The following STK38L variants were observed in gnomAD, a reference collection of about 807,000 sequenced individuals.
STK38L encodes serine/threonine kinase 38 like.
A neutral mutation model predicts 59.7 loss-of-function variants in STK38L; 28 were observed. The ratio of observed to expected loss-of-function variants is 0.47; its 90% CI spans 0.35 to 0.64. The LOEUF is 0.64. Ranked by LOEUF, STK38L falls within the 30% of genes least tolerant of loss-of-function variation. The pLI, the probability that STK38L is intolerant of heterozygous loss-of-function variation, is 0.01. For missense variants in STK38L, 314 were observed against 555.8 expected (o/e 0.56, Z 4.37); for synonymous variants, 162 against 176.8 (o/e 0.92, Z 0.66).
rs535468295 is a variant in STK38L, at chr12:27,260,087, T to A, written c.-12+15755T>A. 5.9e-5 allele frequency among the ~76,000 whole-genome samples: 9 copies of A among 152,310 alleles called. No individual in the cohort carries two copies. In the South Asian group the frequency reaches 1.9e-3, roughly 32 times the overall value. ...AGTCTGTCCATCACTTGTTTGGTTATACAAGTCCCCCACCACCACCACCAC... is the reference window on the plus strand; with the variant it reads ...AGTCTGTCCATCACTTGTTTGGTTAAACAAGTCCCCCACCACCACCACCAC... On this transcript the variant is annotated intron_variant, in intron 1 of 13. Transcript: ENST00000389032.
Position 27,245,871 on chromosome 12 carries a change from C to G in STK38L, c.-12+1539C>G, listed in dbSNP as rs1215552774. ...CTTTGTTTTCTCCTTGTTAAGATGG[C>G]TGATAATGTTTCCCATTTGGTTGTG... On this transcript the variant is annotated intron_variant, in intron 1 of 13. Transcript: ENST00000389032. 7 of 152,106 alleles carry G rather than the reference C, an allele frequency of 4.6e-5. No homozygotes were observed. The East Asian group carries it at 1.2e-3, about 25-fold the overall frequency. The allele number at this position is 152,106 out of a possible 1,614,324, so 9.4% of individuals were successfully genotyped here.
chr12:27,302,026 T>C, intron 2 of STK38L, 111 bp from the exon 3 acceptor site: 1 of 750,174 alleles, frequency 1.3e-6, no homozygotes, highest in Non-Finnish European at 2.0e-6. Context: ...AAGTTTTTTT[T>C]TTTTTAGCCT....
At chr12:27,315,466 C>A in intron 9 of STK38L, 116 bp downstream of exon 9, 1 of 785,884 alleles carries the variant, frequency 1.3e-6, no homozygotes, top group Non-Finnish European at 2.0e-6. Flanking sequence ...ACAATGGTAG[C>A]GCTTGCTCTG....
rs1388318702 is a variant in STK38L, at chr12:27,308,591, G to A, written c.309+130G>A. The A allele has an allele frequency of 2.1e-5, 20 of 968,026 alleles. No individual in the cohort carries two copies. The highest frequency in any genetic ancestry group is 2.0e-4 in the South Asian group (7 of 35,700). 60.0% of individuals were successfully genotyped at this position (968,026 alleles called of 1,614,324 possible). On this transcript the variant is annotated intron_variant, in intron 4 of 13. Transcript: ENST00000389032. The surrounding 1 kb of genome is among the most constrained non-coding windows in gnomAD (Gnocchi z 4.5). ...TGTAATCCCAATACTTTGGGAGGCCGAGGCGGGTGGATCGCCTGAGGTCAG... is the reference window on the plus strand; with the variant it reads ...TGTAATCCCAATACTTTGGGAGGCCAAGGCGGGTGGATCGCCTGAGGTCAG...
At chr12:27,273,499 A>G (rs1943467651) in intron 1 of STK38L, among the ~76,000 whole-genome samples, 1 of 152,072 alleles carries the variant, frequency 6.6e-6, no homozygotes. Flanking sequence ...GTTAGGGCTA[A>G]TGTGAGGATC....
intron 1 of STK38L, among the ~76,000 whole-genome samples, chr12:27,293,980 C>A (rs1018476061): frequency 3.9e-5 from 6 of 152,094 alleles, no homozygotes; most frequent in Non-Finnish European, 8.8e-5. Flanking sequence ...CTTGCTAGAA[C>A]AAATACAAGG....
Position 27,322,394 on chromosome 12 carries a change from G to T in STK38L, c.1334G>T (p.Arg445Met). The T allele has an allele frequency of 6.2e-7, 1 of 1,614,016 alleles. No homozygotes were observed. The change falls in exon 14 of 14, where the codon AGG (arginine) becomes ATG (methionine). Residue 445 changes from arginine (R) to methionine (M), a missense_variant. Arg to Met is a moderately conservative substitution (Grantham distance 91). Coordinates refer to ENST00000389032, the MANE Select transcript of STK38L (RefSeq NM_015000.4). ...DWVFLNYTYK[R>M]FEGLTQRGSI... is the part of the protein sequence containing the mutation. ...GTTTTTCTCAATTATACCTATAAAA[G>T]GTTTGAAGGGTTGACTCAACGTGGC...
intron 1 of STK38L, among the ~76,000 whole-genome samples, chr12:27,255,291 G>A (rs1943068541): frequency 6.6e-6 from 1 of 152,106 alleles, no homozygotes; most frequent in Admixed American, 6.5e-5. Context: ...GAAAAATAGG[G>A]CTAAGAAATT....
rs140467280 is a variant in STK38L at position 27,244,350 on chromosome 12, G to C, written c.-12+18G>C. On this transcript the variant is annotated intron_variant, in intron 1 of 13. Coordinates refer to ENST00000389032, the MANE Select transcript of STK38L (RefSeq NM_015000.4). ...GGAGGCAGGTGAGTTCGCGGATGTA[G>C]CGCTCGGCTGAGGGCCCGAGCTCGC... 1.3e-5 allele frequency: 2 copies of C among 152,474 alleles called. No individual in the cohort carries two copies. The highest frequency in any genetic ancestry group is 1.5e-5 in the Non-Finnish European group (1 of 68,124). 9.4% of individuals were successfully genotyped at this position (152,474 alleles called of 1,614,324 possible).
At chr12:27,264,878 A>C (rs559904297) in intron 1 of STK38L, among the ~76,000 whole-genome samples, 1 of 152,318 alleles carries the variant, frequency 6.6e-6, no homozygotes, top group South Asian at 2.1e-4. Flanking sequence ...ATGTTTAGAA[A>C]ACAGCTAGAC....
intron 1 of STK38L, among the ~76,000 whole-genome samples, chr12:27,248,783 T>C (rs1942911635): frequency 2.0e-5 from 3 of 152,210 alleles, no homozygotes; most frequent in South Asian, 4.1e-4. Context: ...GTAGCAGAAC[T>C]AAAGCCAGGA....
At chr12:27,321,282 C>A (rs1944721935) in intron 12 of STK38L, among the ~76,000 whole-genome samples, 1 of 152,162 alleles carries the variant, frequency 6.6e-6, no homozygotes, top group Admixed American at 6.5e-5. Flanking sequence ...CTGATAGCTT[C>A]TTTTAACCAT....
chr12:27,245,175 G>A (rs1162187492), intron 1 of STK38L, among the ~76,000 whole-genome samples: 1 of 152,180 alleles, frequency 6.6e-6, no homozygotes, highest in Admixed American at 6.5e-5. Context: ...GTGGGAGGTG[G>A]GGGGAGGGCT....
intron 3 of STK38L, 89 bp downstream of exon 3, chr12:27,302,277 G>C (rs1944194562): frequency 9.8e-7 from 1 of 1,018,700 alleles, no homozygotes; most frequent in Non-Finnish European, 1.4e-6. Context: ...CTTAAATAAT[G>C]TGGATTTTAT....
At chr12:27,272,918 A>C (rs1185401142) in intron 1 of STK38L, among the ~76,000 whole-genome samples, 1 of 152,214 alleles carries the variant, frequency 6.6e-6, no homozygotes, top group Non-Finnish European at 1.5e-5. Context: ...TTTGGCAGTT[A>C]AATGTGGACT....
At chr12:27,259,756 A>T (rs999119515) in intron 1 of STK38L, among the ~76,000 whole-genome samples, 9 of 152,314 alleles carry the variant, frequency 5.9e-5, no homozygotes, top group Middle Eastern at 3.4e-3. Context: ...TAAATTCAAA[A>T]GTCCTTTTTG....
At chr12:27,256,565 G>A (rs1299855648) in intron 1 of STK38L, among the ~76,000 whole-genome samples, 1 of 152,176 alleles carries the variant, frequency 6.6e-6, no homozygotes, top group African/African-American at 2.4e-5. Context: ...ACAGTGTCTA[G>A]TATGTATTTC....
intron 1 of STK38L, among the ~76,000 whole-genome samples, chr12:27,252,411 C>G (rs1321395544): frequency 7.4e-6 from 1 of 135,018 alleles, no homozygotes; most frequent in Non-Finnish European, 1.6e-5. Flanking sequence ...TTTTGACATA[C>G]TATCTTGTAC....
At chr12:27,255,962 G>C (rs1943083423) in intron 1 of STK38L, among the ~76,000 whole-genome samples, 1 of 152,138 alleles carries the variant, frequency 6.6e-6, no homozygotes, top group Non-Finnish European at 1.5e-5. Flanking sequence ...GTGCTCCTTA[G>C]CTTTCCCAGT....
Sources: gnomAD v4.1 joint callset for allele counts (sites outside exome capture counted in the v4.1 genomes callset) on GRCh38, gnomAD v4.1.1 for gene constraint, Gnocchi (gnomAD v3.1) non-coding constraint, MANE v1.5 for transcripts, NCBI Gene and HGNC (gene_info 2026-07-23, HGNC 2026-07-21) for gene names.